Variants in SNX4 observed in about 807,000 individuals in gnomAD.
SNX4 encodes the protein sorting nexin 4, also known as sorting nexin-4.
SNX4 carries 49 observed loss-of-function variants against 70.8 expected under a neutral mutation model. That is an observed-to-expected ratio of 0.69 (90% confidence interval 0.55 to 0.88). The LOEUF (loss-of-function observed/expected upper bound fraction) is 0.88. Among genes scored for constraint, SNX4 ranks in the 40% least tolerant of loss-of-function variants. The pLI is 0.00. For synonymous variants in SNX4, 206 were observed against 183.8 expected (o/e 1.12, Z -0.98); for missense variants, 528 against 544.8 (o/e 0.97, Z 0.31).
chr3:125,492,626 T>C (rs1339523852), intron 5 of SNX4, among the ~76,000 whole-genome samples: 3 of 152,212 alleles, frequency 2.0e-5, no homozygotes, highest in Non-Finnish European at 4.4e-5. Flanking sequence ...ATGTCCTTTA[T>C]ACTACTTATC....
rs1934382022 is a variant in SNX4, at chr3:125,480,321, TGA to T, written c.654-4_654-3del. On this transcript the variant is annotated splice_polypyrimidine_tract_variant and splice_region_variant and intron_variant, in intron 6 of 13. Transcript: ENST00000251775. Reference sequence around the variant, plus strand: ...TAGTGCTTAAGGTCAGTAAATCTCCTGAAACAGGAAACAAATAAAACATCGTT... The same window carrying T: ...TAGTGCTTAAGGTCAGTAAATCTCCTAACAGGAAACAAATAAAACATCGTT... The T allele has an allele frequency of 1.3e-6, 2 of 1,500,078 alleles. No individual in the cohort carries two copies. Among genetic ancestry groups the T allele is most frequent in the South Asian group, 2.7e-5 (2 of 73,500 alleles). The allele number at this position is 1,500,078 out of a possible 1,614,324, so 92.9% of individuals were successfully genotyped here.
intron 6 of SNX4, among the ~76,000 whole-genome samples, chr3:125,481,236 T>A (rs1422987167): frequency 1.3e-5 from 2 of 152,202 alleles, no homozygotes; most frequent in Non-Finnish European, 2.9e-5. Context: ...TAATATCCAG[T>A]GATCAATCTT....
intron 11 of SNX4, among the ~76,000 whole-genome samples, chr3:125,456,347 T>G (rs1579973014): frequency 6.6e-6 from 1 of 152,114 alleles, no homozygotes; most frequent in East Asian, 1.9e-4. Context: ...TCACTGCATG[T>G]TTTTTCACTT....
At chr3:125,470,257 C>CT (rs1400308619) in intron 8 of SNX4, among the ~76,000 whole-genome samples, 2 of 151,912 alleles carry the variant, frequency 1.3e-5, no homozygotes, top group Non-Finnish European at 2.9e-5. Context: ...TTGTGTCATG[C>CT]TTTTTTTAAA....
At chr3:125,495,250 T>TTTTATATATA (rs869243473) in intron 5 of SNX4, among the ~76,000 whole-genome samples, 2 of 38,166 alleles carry the variant, frequency 5.2e-5, no homozygotes, top group African/African-American at 6.6e-5. Flanking sequence ...CATTCTCTCT[T>TTTTATATATA]TATATATATA....
intron 9 of SNX4, among the ~76,000 whole-genome samples, chr3:125,467,699 C>T (rs1347214683): frequency 6.6e-6 from 1 of 152,134 alleles, no homozygotes; most frequent in African/African-American, 2.4e-5. Flanking sequence ...AGGCGTGAGC[C>T]ACTGCACCTG....
intron 5 of SNX4, among the ~76,000 whole-genome samples, chr3:125,494,734 C>T (rs1934744157): frequency 6.6e-6 from 1 of 152,164 alleles, no homozygotes; most frequent in Non-Finnish European, 1.5e-5. Context: ...AGTCCGCTGA[C>T]CACATACTGA....
At chr3:125,450,603 G>C (rs564668592) in intron 13 of SNX4, among the ~76,000 whole-genome samples, 1 of 152,104 alleles carries the variant, frequency 6.6e-6, no homozygotes, top group African/African-American at 2.4e-5. Flanking sequence ...GCAGATCTTA[G>C]GTTATAAAAA....
intron 13 of SNX4, among the ~76,000 whole-genome samples, chr3:125,448,553 A>G (rs1933488180): frequency 6.6e-6 from 1 of 151,960 alleles, no homozygotes; most frequent in South Asian, 2.1e-4. Context: ...TATGTACTAA[A>G]TTACTGAATC....
chr3:125,480,233 TG>T lies in SNX4; in HGVS notation c.726+13del, dbSNP rs1559816566. The T allele has an allele frequency of 2.0e-6, 3 of 1,514,254 alleles. No homozygotes were observed. Among genetic ancestry groups the T allele is most frequent in the African/African-American group, 2.8e-5 (2 of 71,790 alleles). The allele number at this position is 1,514,254 out of a possible 1,614,324, so 93.8% of individuals were successfully genotyped here. A position where few individuals can be genotyped will look rare whatever the true frequency, so the allele number is the denominator to read the frequency against. On this transcript the variant is annotated intron_variant, in intron 7 of 13. Coordinates refer to ENST00000251775, the MANE Select transcript of SNX4 (RefSeq NM_003794.4). ...TTATGCATGTGCATCAAAAAGCTTT[TG>T]GGGACCACTTACAGCTCTGACTCGA...
intron 6 of SNX4, among the ~76,000 whole-genome samples, chr3:125,487,932 C>T (rs1934567113): frequency 6.6e-6 from 1 of 151,728 alleles, no homozygotes; most frequent in African/African-American, 2.4e-5. Flanking sequence ...AAAAACTGCC[C>T]AACACCAAGT....
In SNX4 at chr3:125,469,835, T is replaced by C. The variant is rs111835119; in HGVS notation, c.789-316A>G. On this transcript the variant is annotated intron_variant, in intron 8 of 13. Coordinates refer to ENST00000251775, the MANE Select transcript of SNX4 (RefSeq NM_003794.4). The stretch of plus-strand genomic sequence containing the variant: ...TTGTAAAGCTTTTAAAAAATACGGA[T>C]GCTAGCCCTACTCTTCATCTACTTA... Among the ~76,000 whole-genome samples the C allele has an allele frequency of 6.9e-3, 1,053 of 152,284 alleles. 7 individuals carry two copies. Among genetic ancestry groups the C allele is most frequent in the African/African-American group, 0.02 (850 of 41,556 alleles).
chr3:125,485,792 CCCT>C (rs1160492781), intron 6 of SNX4, among the ~76,000 whole-genome samples: 1 of 152,020 alleles, frequency 6.6e-6, no homozygotes, highest in Non-Finnish European at 1.5e-5. Flanking sequence ...CCACTCCCCA[CCCT>C]CCTCTTCTTC....
intron 7 of SNX4, among the ~76,000 whole-genome samples, chr3:125,479,065 A>AT (rs1311574257): frequency 2.6e-5 from 4 of 152,082 alleles, no homozygotes; most frequent in African/African-American, 4.8e-5. Context: ...CCTTTATTGT[A>AT]TTTTTTCTGT....
chr3:125,464,939 T>C (rs1933972031), intron 9 of SNX4, among the ~76,000 whole-genome samples: 1 of 151,938 alleles, frequency 6.6e-6, no homozygotes, highest in Non-Finnish European at 1.5e-5. Context: ...GAGACAGGGA[T>C]TCACCATGTT....
rs973891986 is a variant in SNX4, at chr3:125,504,375, G to C, written c.263+248C>G. On this transcript the variant is annotated intron_variant, in intron 2 of 13. Transcript: ENST00000251775. Reference sequence around the variant, plus strand: ...AAGCCAGCCATGGTGGCTCACGCCTGTATGCCAGCTACTCAGGAAACTGAG... The same window carrying C: ...AAGCCAGCCATGGTGGCTCACGCCTCTATGCCAGCTACTCAGGAAACTGAG... Among the ~76,000 whole-genome samples, 4 of 148,874 alleles carry C rather than the reference G, an allele frequency of 2.7e-5. No homozygotes were observed. The East Asian group carries it at 7.9e-4, about 29-fold the overall frequency.
At chr3:125,485,771 T>C (rs1579994208) in intron 6 of SNX4, among the ~76,000 whole-genome samples, 1 of 152,158 alleles carries the variant, frequency 6.6e-6, no homozygotes, top group African/African-American at 2.4e-5. Context: ...TGAGAAATCA[T>C]AAATGACAGT....
At chr3:125,475,720 T>C (rs941745420) in intron 8 of SNX4, among the ~76,000 whole-genome samples, 2 of 152,198 alleles carry the variant, frequency 1.3e-5, no homozygotes, top group African/African-American at 4.8e-5. Context: ...CTCATGTCTG[T>C]AATCCTAGCA....
At chr3:125,505,411 G>A (rs370009522) in intron 1 of SNX4, among the ~76,000 whole-genome samples, 1 of 152,226 alleles carries the variant, frequency 6.6e-6, no homozygotes, top group Non-Finnish European at 1.5e-5. Context: ...TCTGTCTGAT[G>A]TAAGTATTTG....
Sources: gnomAD v4.1 joint callset for allele counts (sites outside exome capture counted in the v4.1 genomes callset) on GRCh38, gnomAD v4.1.1 for gene constraint, MANE v1.5 for transcripts, NCBI Gene and HGNC (gene_info 2026-07-23, HGNC 2026-07-21) for gene names.